The following ZNF485 variants were observed in gnomAD, a reference collection of about 807,000 sequenced individuals.
The protein encoded by ZNF485 is zinc finger protein 485.
A neutral mutation model predicts 10.8 loss-of-function variants in ZNF485; 9 were observed. The observed-to-expected ratio is 0.83, with a 90% confidence interval of 0.50 to 1.45. The LOEUF is 1.45. ZNF485 is among the 40% of genes most tolerant of loss of function. ZNF485 has a pLI of 0.00. For missense variants in ZNF485, 487 were observed against 528.0 expected, an observed-to-expected ratio of 0.92 and a Z score of 0.76; for synonymous variants, 187 against 181.0, an observed-to-expected ratio of 1.03 and a Z score of -0.27.
chr10:43,614,327 C>T (rs1016162286), intron 4 of ZNF485, among the ~76,000 whole-genome samples: 3 of 152,148 alleles, frequency 2.0e-5, no homozygotes, highest in Non-Finnish European at 2.9e-5. Flanking sequence ...ATCCCTCTCT[C>T]TGTTGTTACT....
intron 4 of ZNF485, among the ~76,000 whole-genome samples, chr10:43,615,547 A>G (rs1041591071): frequency 1.3e-5 from 2 of 152,070 alleles, no homozygotes; most frequent in Non-Finnish European, 2.9e-5. Context: ...GATTAAAGGC[A>G]TGTGCTACCA....
Position 43,617,352 on chromosome 10 carries a change from G to A in ZNF485, c.1309G>A (p.Ala437Thr), listed in dbSNP as rs1004656137. The A allele has an allele frequency of 3.1e-5, 48 of 1,553,590 alleles. 1 individual carries two copies. Among genetic ancestry groups the A allele is most frequent in the Admixed American group, 1.4e-4 (7 of 48,532 alleles). The change falls in exon 5 of 5, where the codon GCC becomes ACC. Residue 437 changes from alanine to threonine, a missense_variant. By Grantham distance (58) the Ala-to-Thr change is moderately conservative. Coordinates refer to ENST00000361807, the MANE Select transcript of ZNF485 (RefSeq NM_145312.4). ...QHKKIHNKER[A>T]MKCS Reference sequence around the variant, plus strand: ...TAAGAAAATTCATAATAAAGAAAGAGCCATGAAATGTAGTTAGTGTGGCAA... The same window carrying A: ...TAAGAAAATTCATAATAAAGAAAGAACCATGAAATGTAGTTAGTGTGGCAA...
Position 43,617,067 on chromosome 10 carries a change from G to T in ZNF485, c.1024G>T (p.Ala342Ser). Residue 342 changes from alanine (A) to serine (S), a missense_variant, in exon 5 of 5, where the codon GCT (alanine) becomes TCT (serine). By Grantham distance (99) the Ala-to-Ser change is moderately conservative. Coordinates refer to ENST00000361807, the MANE Select transcript of ZNF485 (RefSeq NM_145312.4). ...GKSFRYSSSF[A>S]GHQKTHSGNK... ...ATCTTTCAGGTATAGCTCATCCTTT[G>T]CTGGTCATCAGAAAACTCACAGTGG... The T allele has an allele frequency of 6.2e-7, 1 of 1,614,118 alleles. No homozygotes were observed. The highest frequency in any genetic ancestry group is 8.5e-7 in the Non-Finnish European group (1 of 1,180,026).
chr10:43,608,622 G>A lies in ZNF485; in HGVS notation c.33G>A (p.Leu11=), dbSNP rs1838702027. 1 of 1,613,642 alleles carries A rather than the reference G, an allele frequency of 6.2e-7. No individual in the cohort carries two copies. The highest frequency in any genetic ancestry group is 8.5e-7 in the Non-Finnish European group (1 of 1,179,688). The change falls in exon 3 of 5, where the codon CTG becomes CTA. Residue 11 remains leucine (L), a synonymous_variant. Transcript: ENST00000361807. ...TGGGTTTGGTTTTGCAGGGACCGCT[G>A]ACATTTGGGGATGTGGCTGTGGCCT... The part of the protein sequence containing the change: MAPRAQIQGP[L]TFGDVAVAFT...
chr10:43,609,464 T>C, intron 4 of ZNF485, 114 bp downstream of exon 4: 1 of 726,240 alleles, frequency 1.4e-6, no homozygotes, highest in South Asian at 2.1e-5. Flanking sequence ...ACTGGTTTCC[T>C]CTTTTGATGT....
intron 4 of ZNF485, among the ~76,000 whole-genome samples, chr10:43,614,565 A>T (rs1281202119): frequency 3.3e-5 from 5 of 152,120 alleles, no homozygotes; most frequent in African/African-American, 1.2e-4. Flanking sequence ...AAGTGCTGGG[A>T]TTACAGGCAT....
At position 43,616,286 on chromosome 10, in the gene ZNF485, T is replaced by C; in HGVS notation, c.248-5T>C. On this transcript the variant is annotated splice_region_variant and splice_polypyrimidine_tract_variant and intron_variant, in intron 4 of 4. Coordinates refer to ENST00000361807, the MANE Select transcript of ZNF485 (RefSeq NM_145312.4). ...AACATTTGAATTTTTAAAATTTTCT[T>C]TCAGTCGAGGATTACTGGTTTGAAA... 1 of 1,544,266 alleles carries C rather than the reference T, an allele frequency of 6.5e-7. No individual in the cohort carries two copies. The highest frequency in any genetic ancestry group is 8.7e-7 in the Non-Finnish European group (1 of 1,149,614).
Position 43,608,731 on chromosome 10 carries a change from G to A in ZNF485, c.142G>A (p.Val48Met), listed in dbSNP as rs1838707758. 1.7e-5 allele frequency: 27 copies of A among 1,613,942 alleles called. No homozygotes were observed. The highest frequency in any genetic ancestry group is 2.2e-5 in the Non-Finnish European group (26 of 1,179,922). The change falls in exon 3 of 5, where the codon GTG becomes ATG. Residue 48 changes from valine to methionine, a missense_variant. Val to Met is a conservative substitution (Grantham distance 21). Transcript: ENST00000361807. ...DVMLENYGNL[V>M]SVGLLSSKPK... Reference sequence around the variant, plus strand: ...GATGCTGGAGAACTATGGGAATCTGGTGTCTGTGGGTGAGGATGGCTTTCT... The same window carrying A: ...GATGCTGGAGAACTATGGGAATCTGATGTCTGTGGGTGAGGATGGCTTTCT...
At chr10:43,614,885 A>T (rs1466839263) in intron 4 of ZNF485, among the ~76,000 whole-genome samples, 2 of 152,206 alleles carry the variant, frequency 1.3e-5, no homozygotes, top group African/African-American at 2.4e-5. Flanking sequence ...AAATGTACTA[A>T]TGCAGAATCT....
intron 4 of ZNF485, among the ~76,000 whole-genome samples, chr10:43,613,951 C>T (rs1393513385): frequency 2.0e-5 from 3 of 152,172 alleles, no homozygotes; most frequent in South Asian, 2.1e-4. Flanking sequence ...TGGTGGCTCA[C>T]GCCTGTAATC....
chr10:43,611,346 G>T (rs1838764696), intron 4 of ZNF485, among the ~76,000 whole-genome samples: 1 of 152,116 alleles, frequency 6.6e-6, no homozygotes, highest in African/African-American at 2.4e-5. Context: ...GGGATTACAG[G>T]CGTGCATCAC....
intron 4 of ZNF485, among the ~76,000 whole-genome samples, chr10:43,610,968 G>T (rs916507026): frequency 1.3e-5 from 2 of 152,018 alleles, no homozygotes; most frequent in African/African-American, 4.8e-5. Context: ...CTGTTACTTT[G>T]GCATTTATGT....
At chr10:43,612,601 T>C (rs1171974847) in intron 4 of ZNF485, among the ~76,000 whole-genome samples, 2 of 152,212 alleles carry the variant, frequency 1.3e-5, no homozygotes, top group African/African-American at 4.8e-5. Context: ...TATAATTTCC[T>C]AAAAAGCATC....
chr10:43,613,082 C>G (rs1440986286), intron 4 of ZNF485, among the ~76,000 whole-genome samples: 1 of 152,248 alleles, frequency 6.6e-6, no homozygotes, highest in Admixed American at 6.5e-5. Context: ...GATTGATAAG[C>G]TAGACTCTCC....
rs1221803597 is a variant in ZNF485 at position 43,616,942 on chromosome 10, G to T, written c.899G>T (p.Cys300Phe). 3.7e-6 allele frequency: 6 copies of T among 1,614,122 alleles called. No homozygotes were observed. In the South Asian group the frequency reaches 5.5e-5, roughly 15 times the overall value. The change falls in exon 5 of 5, where the codon TGT (cysteine) becomes TTT (phenylalanine). Residue 300 changes from cysteine (C) to phenylalanine (F), a missense_variant. Physicochemically the swap from Cys to Phe is radical, Grantham distance 205. Transcript: ENST00000361807. Reference sequence around the variant, plus strand: ...CATACTGGTGAGAAGCCATATCAGTGTAATGAATGTGGAAAAGCCTTTAGG... The same window carrying T: ...CATACTGGTGAGAAGCCATATCAGTTTAATGAATGTGGAAAAGCCTTTAGG... ...KIHTGEKPYQ[C>F]NECGKAFRKS...
chr10:43,609,502 T>G (rs1838726721), intron 4 of ZNF485, 152 bp downstream of exon 4: 1 of 599,778 alleles, frequency 1.7e-6, no homozygotes, highest in Admixed American at 3.0e-5. Flanking sequence ...GCTGGCCGCT[T>G]TTCTCCCCAG....
At chr10:43,608,982 G>T (rs1838713398) in intron 3 of ZNF485, among the ~76,000 whole-genome samples, 1 of 152,166 alleles carries the variant, frequency 6.6e-6, no homozygotes, top group South Asian at 2.1e-4. Flanking sequence ...GAATGTTTCT[G>T]TGTCATGATT....
At chr10:43,607,122 G>A in intron 2 of ZNF485, 48 bp downstream of exon 2, 4 of 1,550,148 alleles carry the variant, frequency 2.6e-6, no homozygotes, top group South Asian at 2.4e-5. Flanking sequence ...TTTCAGCGAG[G>A]TGGGGTTTAT....
chr10:43,614,852 G>T (rs59220072), intron 4 of ZNF485, among the ~76,000 whole-genome samples: 13,164 of 152,028 alleles, frequency 0.087, 783 homozygotes, highest in African/African-American at 0.16. Context: ...ATGAGTTAGG[G>T]TTTATATATT....
Sources: allele counts gnomAD v4.1 joint callset (sites outside exome capture counted in the v4.1 genomes callset), GRCh38; gene constraint gnomAD v4.1.1; transcripts MANE v1.5; gene names NCBI Gene and HGNC (gene_info 2026-07-23, HGNC 2026-07-21).